The following KCNAB2 variants were observed in gnomAD, a reference collection of about 807,000 sequenced individuals.
KCNAB2 encodes voltage-gated potassium channel subunit beta-2.
In KCNAB2, 29 loss-of-function variants were observed where a neutral mutation model predicts 63.6. The ratio of observed to expected loss-of-function variants is 0.46; its 90% confidence interval spans 0.34 to 0.62. KCNAB2 has a LOEUF of 0.62. Among genes scored for constraint, KCNAB2 ranks in the 20% least tolerant of loss-of-function variants. The pLI is 0.01. For missense variants in KCNAB2, 359 were observed against 563.9 expected, an observed-to-expected ratio of 0.64 and a Z score of 3.68; for synonymous variants, 222 against 224.2, an observed-to-expected ratio of 0.99 and a Z score of 0.09.
intron 2 of KCNAB2, among the ~76,000 whole-genome samples, chr1:6,054,680 C>T (rs1485402941): frequency 3.3e-5 from 5 of 152,206 alleles, no homozygotes; most frequent in Admixed American, 6.5e-5. Flanking sequence ...AGAGGTTTCC[C>T]ATTGGTTACC....
At chr1:6,097,551 A>G (rs371981745) in intron 15 of KCNAB2, 194 bp downstream of exon 15, 2 of 979,722 alleles carry the variant, frequency 2.0e-6, no homozygotes. Flanking sequence ...GCACGAAACA[A>G]GGAGGTTAGA....
chr1:6,023,094 C>G (rs1156388774), intron 1 of KCNAB2, among the ~76,000 whole-genome samples: 4 of 152,064 alleles, frequency 2.6e-5, no homozygotes, highest in African/African-American at 9.7e-5. Flanking sequence ...GTTGGCCAGG[C>G]TGGTCTTGAA....
Position 6,058,405 on chromosome 1 carries a change from C to T in KCNAB2, c.218+6651C>T, listed in dbSNP as rs530541003. Among the ~76,000 whole-genome samples the T allele has an allele frequency of 5.6e-4, 86 of 152,308 alleles. 2 individuals are homozygous for T. The highest frequency in any genetic ancestry group is 4.2e-3 in the South Asian group (20 of 4,808). On this transcript the variant is annotated intron_variant, in intron 2 of 15. Transcript: ENST00000378083. ...GTCCTGGGAGGAACCCGGGCTCCCA[C>T]CGGCTACCTGTGTGACCTCAGACAA...
rs1334422036 is a variant in KCNAB2 at position 6,024,685 on chromosome 1, A to C, written c.-52-15832A>C. Among the ~76,000 whole-genome samples the C allele has an allele frequency of 3.3e-5, 5 of 152,140 alleles. No individual in the cohort carries two copies. The highest frequency in any genetic ancestry group is 6.5e-5 in the Admixed American group (1 of 15,272). On this transcript the variant is annotated intron_variant, in intron 1 of 16. Transcript: ENST00000341524. This position sits in a 1 kb window ranked among gnomAD's most constrained non-coding sequence, Gnocchi z 5.4. ...ACAGTCTGTGTTTGGAGACCCACAGAGTCAGGGCAACATCTCCGTGCTGGG... is the reference window on the plus strand; with the variant it reads ...ACAGTCTGTGTTTGGAGACCCACAGCGTCAGGGCAACATCTCCGTGCTGGG...
chr1:5,992,758 G>C (rs1055144280), exon 1 of KCNAB2: 3 of 152,144 alleles, frequency 2.0e-5, no homozygotes, highest in African/African-American at 7.2e-5. Context: ...GATCCGGCGC[G>C]GGGCACAGGA....
chr1:6,052,400 T>A (rs1450923805), intron 2 of KCNAB2, among the ~76,000 whole-genome samples: 1 of 150,820 alleles, frequency 6.6e-6, no homozygotes, highest in Non-Finnish European at 1.5e-5. Flanking sequence ...CACTCCAGGC[T>A]GGGTGACAGA....
chr1:6,087,684 G>T lies in KCNAB2; in HGVS notation c.470+173G>T, dbSNP rs1289504624. Among the ~76,000 whole-genome samples, 1 of 152,182 alleles carries T rather than the reference G, an allele frequency of 6.6e-6. No homozygotes were observed. The highest frequency in any genetic ancestry group is 1.5e-5 in the Non-Finnish European group (1 of 68,040). On this transcript the variant is annotated intron_variant, in intron 7 of 15. Transcript: ENST00000378083. This position sits in a 1 kb window ranked among gnomAD's most constrained non-coding sequence, Gnocchi z 6.4. Reference sequence around the variant, plus strand: ...AGGCCCCGGCCCAGTGCCATTTCCTGTCCCCAGCAGGGGCAGAGCTGGTGT... The same window carrying T: ...AGGCCCCGGCCCAGTGCCATTTCCTTTCCCCAGCAGGGGCAGAGCTGGTGT...
At chr1:6,082,469 T>C (rs898137890) in intron 5 of KCNAB2, among the ~76,000 whole-genome samples, 195 bp downstream of exon 5, 1 of 152,152 alleles carries the variant, frequency 6.6e-6, no homozygotes, top group African/African-American at 2.4e-5. Context: ...TGGACACTGA[T>C]CACTTGCTGA....
chr1:6,030,219 T>G (rs1213329331), upstream of KCNAB2, among the ~76,000 whole-genome samples: 2 of 152,244 alleles, frequency 1.3e-5, no homozygotes, highest in African/African-American at 2.4e-5. Context: ...TTATTTATCA[T>G]GCACTCATGG....
At chr1:6,085,089 C>G in intron 5 of KCNAB2, 115 bp from the exon 6 acceptor site, 1 of 1,080,586 alleles carries the variant, frequency 9.3e-7, no homozygotes, top group East Asian at 2.4e-5. Context: ...AACAGCCTGG[C>G]TCTCTGGCCC....
chr1:6,040,636 T>C, exon 2 of KCNAB2: 1 of 1,613,160 alleles, frequency 6.2e-7, no homozygotes, highest in Non-Finnish European at 8.5e-7. Context: ...TCCCCCGGGA[T>C]GATCTACAGG....
intron 2 of KCNAB2, among the ~76,000 whole-genome samples, chr1:6,068,647 G>C (rs547137728): frequency 6.6e-6 from 1 of 152,130 alleles, no homozygotes; most frequent in Admixed American, 6.5e-5. Flanking sequence ...GGGCACCCCC[G>C]CCCCGGGCCT....
chr1:6,017,913 CA>C (rs982418688), intron 1 of KCNAB2, among the ~76,000 whole-genome samples: 5 of 149,092 alleles, frequency 3.4e-5, no homozygotes, highest in African/African-American at 7.6e-5. Flanking sequence ...CAGGGTTCAG[CA>C]AAAAAAAATT....
chr1:6,059,948 T>G (rs1010830830), intron 2 of KCNAB2, among the ~76,000 whole-genome samples: 16 of 152,164 alleles, frequency 1.1e-4, no homozygotes, highest in African/African-American at 3.9e-4. Context: ...AACCACAGAA[T>G]GGGCCCCGCC....
At chr1:5,997,443 G>A (rs753298105) in intron 1 of KCNAB2, among the ~76,000 whole-genome samples, 6 of 152,230 alleles carry the variant, frequency 3.9e-5, no homozygotes, top group Non-Finnish European at 5.9e-5. Flanking sequence ...CTTGGGCCTC[G>A]TGGAGGGCCT....
chr1:6,029,266 G>A (rs554593864), intron 1 of KCNAB2, among the ~76,000 whole-genome samples: 2 of 137,200 alleles, frequency 1.5e-5, no homozygotes, highest in East Asian at 4.2e-4. Flanking sequence ...CCGGGCGACT[G>A]AAGAGACTCC....
intron 2 of KCNAB2, among the ~76,000 whole-genome samples, chr1:6,062,041 G>A (rs1007458837): frequency 6.6e-6 from 1 of 152,142 alleles, no homozygotes; most frequent in Non-Finnish European, 1.5e-5. Context: ...AGCCAAGCGC[G>A]GTGGCTCACG....
chr1:6,081,649 T>C (rs1029587063), intron 4 of KCNAB2, among the ~76,000 whole-genome samples: 1 of 152,078 alleles, frequency 6.6e-6, no homozygotes, highest in South Asian at 2.1e-4. Context: ...CTCCTGGGGG[T>C]TGCCAACAGT....
rs202230689 is a variant in KCNAB2 at position 6,039,911 on chromosome 1, TG to T, written c.-52-605del. 1.7e-3 allele frequency among the ~76,000 whole-genome samples: 259 copies of T among 152,330 alleles called. 5 individuals carry two copies. In the East Asian group the frequency reaches 0.049, roughly 29 times the overall value. ...GAAGTGACAGTCTTGCCATTACCTT[TG>T]CCGTGTTCTGCTGGTTAGAAGCGAC... On this transcript the variant is annotated intron_variant, in intron 1 of 15. Transcript: ENST00000164247.
Sources: gnomAD v4.1 joint callset for allele counts (sites outside exome capture counted in the v4.1 genomes callset) on GRCh38, gnomAD v4.1.1 for gene constraint, Gnocchi (gnomAD v3.1) non-coding constraint, MANE v1.5 for transcripts, NCBI Gene and HGNC (gene_info 2026-07-23, HGNC 2026-07-21) for gene names.